The following TMEM74 variants were observed in gnomAD, a reference collection of about 807,000 sequenced individuals.
The protein encoded by TMEM74 is transmembrane protein 74.
A neutral mutation model predicts 18.1 loss-of-function variants in TMEM74; 13 were observed. That is an observed-to-expected ratio of 0.72 (90% CI 0.47 to 1.14). The LOEUF (loss-of-function observed/expected upper bound fraction) is 1.14, where lower values mean the gene tolerates loss of function less well. TMEM74 is among the 50% of genes most tolerant of loss of function. The pLI, the probability that TMEM74 is intolerant of heterozygous loss-of-function variation, is 0.00. For missense variants in TMEM74, 372 were observed against 375.9 expected, an observed-to-expected ratio of 0.99 and a Z score of 0.09; for synonymous variants, 159 against 146.6, an observed-to-expected ratio of 1.08 and a Z score of -0.61.
At chr8:108,658,856 A>G (rs1425695564) in intron 1 of TMEM74, among the ~76,000 whole-genome samples, 1 of 152,220 alleles carries the variant, frequency 6.6e-6, no homozygotes, top group Non-Finnish European at 1.5e-5. Flanking sequence ...TAAACATTTC[A>G]GTGGTGAGGA....
At chr8:108,626,883 A>G (rs913866371) in intron 2 of TMEM74, 3 of 151,996 alleles carry the variant, frequency 2.0e-5, no homozygotes, top group Non-Finnish European at 2.9e-5. Flanking sequence ...TCTAAAGCCC[A>G]TTAGTATCTC....
chr8:108,755,157 AG>A (rs1201388797), intron 1 of TMEM74, among the ~76,000 whole-genome samples: 1 of 152,120 alleles, frequency 6.6e-6, no homozygotes, highest in African/African-American at 2.4e-5. Flanking sequence ...GGCTGTCTCC[AG>A]GAACACTGCA....
chr8:108,635,394 G>A (rs1341702197), intron 2 of TMEM74, among the ~76,000 whole-genome samples: 1 of 151,880 alleles, frequency 6.6e-6, no homozygotes, highest in East Asian at 1.9e-4. Flanking sequence ...ATACCATAGA[G>A]TTATGTGCTT....
At chr8:108,676,883 G>A (rs964486374) in intron 1 of TMEM74, among the ~76,000 whole-genome samples, 3 of 152,174 alleles carry the variant, frequency 2.0e-5, no homozygotes, top group African/African-American at 7.2e-5. Flanking sequence ...CAAAACAGTT[G>A]TTGAATAACT....
intron 1 of TMEM74, among the ~76,000 whole-genome samples, chr8:108,696,108 A>G (rs1057396239): frequency 1.3e-5 from 2 of 152,218 alleles, no homozygotes; most frequent in African/African-American, 4.8e-5. Flanking sequence ...GCTTGACAGT[A>G]TCACAAAAAG....
chr8:108,685,078 T>G lies in TMEM74; in HGVS notation n.120-29641A>C, dbSNP rs116235408. ...TCCAATTAATGAGCATGGGATGTCTTTCTATTTGTTTGTATACTCTCCCAT... is the reference window on the plus strand; with the variant it reads ...TCCAATTAATGAGCATGGGATGTCTGTCTATTTGTTTGTATACTCTCCCAT... On this transcript the variant is annotated intron_variant and non_coding_transcript_variant, in intron 1 of 3. Transcript: ENST00000518838. Among the ~76,000 whole-genome samples the G allele has an allele frequency of 9.3e-3, 1,409 of 152,276 alleles. 26 individuals are homozygous for G. The highest frequency in any genetic ancestry group is 0.033 in the African/African-American group (1,357 of 41,570).
At chr8:108,683,701 A>T (rs1457371120) in intron 1 of TMEM74, among the ~76,000 whole-genome samples, 2 of 151,942 alleles carry the variant, frequency 1.3e-5, no homozygotes, top group East Asian at 3.9e-4. Context: ...ATCATCTCAA[A>T]CATTTATTTC....
rs114711294 is a variant in TMEM74 at position 108,650,239 on chromosome 8, T to C, written n.264+5054A>G. Among the ~76,000 whole-genome samples the C allele has an allele frequency of 3.2e-3, 480 of 152,270 alleles. 2 individuals carry two copies. The highest frequency in any genetic ancestry group is 0.011 in the African/African-American group (466 of 41,564). ...CTCCAGCTCTTTAGGCTACACACTTTGGAGTTATCCATGCCAGCCAAGTCA... is the reference window on the plus strand; with the variant it reads ...CTCCAGCTCTTTAGGCTACACACTTCGGAGTTATCCATGCCAGCCAAGTCA... On this transcript the variant is annotated intron_variant and non_coding_transcript_variant, in intron 2 of 3. Transcript: ENST00000518838.
chr8:108,785,161 T>C, intron 1 of TMEM74, 24 bp from the exon 2 acceptor site: 1 of 1,505,858 alleles, frequency 6.6e-7, no homozygotes, highest in South Asian at 1.3e-5. Flanking sequence ...CAGAGTTAGA[T>C]AAGAACCCAA....
intron 1 of TMEM74, among the ~76,000 whole-genome samples, chr8:108,757,847 C>T (rs1308895547): frequency 1.3e-5 from 2 of 151,908 alleles, no homozygotes; most frequent in African/African-American, 4.8e-5. Context: ...TTGTAGCTTA[C>T]CCTCAAATCT....
At chr8:108,625,777 G>A (rs1812487588) in intron 2 of TMEM74, among the ~76,000 whole-genome samples, 1 of 151,794 alleles carries the variant, frequency 6.6e-6, no homozygotes, top group Non-Finnish European at 1.5e-5. Flanking sequence ...ATATTAACCT[G>A]CAAGCAAGCT....
exon 4 of TMEM74, chr8:108,607,622 C>G (rs963718131): frequency 6.6e-6 from 1 of 152,110 alleles, no homozygotes; most frequent in South Asian, 2.1e-4. Context: ...ATGACACCAC[C>G]CACCATGGTA....
intron 2 of TMEM74, among the ~76,000 whole-genome samples, chr8:108,634,128 C>A (rs1020944054): frequency 6.6e-6 from 1 of 151,854 alleles, no homozygotes; most frequent in African/African-American, 2.4e-5. Context: ...GGGCACAGAA[C>A]ACAAAGCAGT....
intron 1 of TMEM74, among the ~76,000 whole-genome samples, chr8:108,764,829 A>T (rs770645934): frequency 8.5e-5 from 13 of 152,164 alleles, no homozygotes; most frequent in Non-Finnish European, 1.6e-4. Context: ...CTTTAAAAAC[A>T]TTCTTTACTC....
intron 1 of TMEM74, among the ~76,000 whole-genome samples, chr8:108,688,553 G>T (rs1241875524): frequency 6.6e-6 from 1 of 152,210 alleles, no homozygotes; most frequent in Non-Finnish European, 1.5e-5. Flanking sequence ...GAAATGAAGT[G>T]GGGAGAGCAG....
chr8:108,677,490 T>C (rs1813065483), intron 1 of TMEM74, among the ~76,000 whole-genome samples: 1 of 151,960 alleles, frequency 6.6e-6, no homozygotes, highest in Non-Finnish European at 1.5e-5. Flanking sequence ...AAATTTAATG[T>C]GAAAGAAATT....
chr8:108,714,501 GTGAC>G (rs1406897362), intron 1 of TMEM74, among the ~76,000 whole-genome samples: 1 of 152,172 alleles, frequency 6.6e-6, no homozygotes, highest in East Asian at 1.9e-4. Flanking sequence ...GGAGGAACAG[GTGAC>G]TGACAAAGAT....
chr8:108,627,979 G>A (rs562894810), intron 2 of TMEM74, among the ~76,000 whole-genome samples: 229 of 152,076 alleles, frequency 1.5e-3, no homozygotes, highest in Non-Finnish European at 2.8e-3. Context: ...GATCGCTTAA[G>A]ACTGGGTGGT....
rs568763350 is a variant in TMEM74 at position 108,679,351 on chromosome 8, T to G, written n.120-23914A>C. ...GAATTCCACAAGGGCTGAACTAGTT[T>G]ACAGTCCCACCAACAGTGTAAAAGT... On this transcript the variant is annotated intron_variant and non_coding_transcript_variant, in intron 1 of 3. Transcript: ENST00000518838. 2.6e-5 allele frequency among the ~76,000 whole-genome samples: 4 copies of G among 152,338 alleles called. No individual in the cohort carries two copies. In the East Asian group the frequency reaches 7.7e-4, roughly 29 times the overall value.
Sources: allele counts gnomAD v4.1 joint callset (sites outside exome capture counted in the v4.1 genomes callset), GRCh38; gene constraint gnomAD v4.1.1; transcripts MANE v1.5; gene names NCBI Gene and HGNC (gene_info 2026-07-23, HGNC 2026-07-21).